The following SPTBN4 variants were observed in gnomAD, a reference collection of about 807,000 sequenced individuals.
SPTBN4 encodes the protein spectrin beta, non-erythrocytic 4.
In SPTBN4, 96 loss-of-function variants were observed where a neutral mutation model predicts 277.8. The observed-to-expected ratio is 0.35, with a 90% CI of 0.29 to 0.41. The LOEUF (loss-of-function observed/expected upper bound fraction) is 0.41, where lower values mean the gene tolerates loss of function less well. Among genes scored for constraint, SPTBN4 ranks in the 10% least tolerant of loss-of-function variants. The pLI, the probability that SPTBN4 is intolerant of heterozygous loss-of-function variation, is 1.00. For missense variants in SPTBN4, 3,006 were observed against 3,595.7 expected, an observed-to-expected ratio of 0.84 and a Z score of 4.19; for synonymous variants, 1,481 against 1,580.3, an observed-to-expected ratio of 0.94 and a Z score of 1.49.
Position 40,565,492 on chromosome 19 carries a change from G to A in SPTBN4, c.5985G>A (p.Val1995=), listed in dbSNP as rs746899679. 1 of 1,614,152 alleles carries A rather than the reference G, an allele frequency of 6.2e-7. No homozygotes were observed. Among genetic ancestry groups the A allele is most frequent in the Non-Finnish European group, 8.5e-7 (1 of 1,180,016 alleles). The stretch of plus-strand genomic sequence containing the variant: ...TGAAGACTGAGCTGGAGGCGCGGGT[G>A]CCTGAGCTGACCACCTGCCAGGAGC... The part of the protein sequence containing the change: ...QGLKTELEAR[V]PELTTCQELG... The change falls in exon 28 of 36, where the codon GTG becomes GTA. Residue 1995 remains valine, a synonymous_variant. Transcript: ENST00000598249.
chr19:40,507,308 C>T (rs550778232), intron 13 of SPTBN4, among the ~76,000 whole-genome samples: 25 of 151,512 alleles, frequency 1.7e-4, no homozygotes, highest in African/African-American at 6.0e-4. Flanking sequence ...GGACTGAGAC[C>T]CTGTCAGCAA....
chr19:40,535,397 A>C (rs970379194), intron 20 of SPTBN4, among the ~76,000 whole-genome samples: 1 of 152,016 alleles, frequency 6.6e-6, no homozygotes, highest in Admixed American at 6.6e-5. Flanking sequence ...ACAATGCCTG[A>C]CTGACTGATG....
intron 20 of SPTBN4, among the ~76,000 whole-genome samples, chr19:40,540,131 T>C (rs1309554920): frequency 6.6e-6 from 1 of 151,868 alleles, no homozygotes; most frequent in African/African-American, 2.4e-5. Context: ...TTCGCCATGT[T>C]GTCCAGGCTG....
chr19:40,568,468 C>T (rs1036908414), intron 31 of SPTBN4, among the ~76,000 whole-genome samples, 186 bp downstream of exon 31: 3 of 152,202 alleles, frequency 2.0e-5, no homozygotes, highest in African/African-American at 7.2e-5. Context: ...CATTGTTACA[C>T]AGAAAGGGGA....
rs200635812 is a variant in SPTBN4 at position 40,570,019 on chromosome 19, T to TACACAC, written c.7026+297_7026+302dup. On this transcript the variant is annotated intron_variant, in intron 32 of 35. Transcript: ENST00000598249. ...ACACACACAGACACACAGACACAGA[T>TACACAC]ACACACACAGACACACACACACAGA... Among the ~76,000 whole-genome samples, 3 of 113,452 alleles carry TACACAC rather than the reference T, an allele frequency of 2.6e-5. No individual in the cohort carries two copies. In the East Asian group the frequency reaches 7.0e-4, roughly 26 times the overall value. The allele number at this position is 113,452 out of a possible 152,430, so 74.4% of individuals were successfully genotyped here. A position where few individuals can be genotyped will look rare whatever the true frequency, so the allele number is the denominator to read the frequency against.
chr19:40,517,672 G>A (rs369473204), intron 15 of SPTBN4, among the ~76,000 whole-genome samples: 147 of 152,236 alleles, frequency 9.7e-4, no homozygotes, highest in African/African-American at 3.3e-3. Flanking sequence ...CAAGACCATC[G>A]CAAAGCATCC....
At chr19:40,492,315 G>A (rs926814216) in intron 4 of SPTBN4, among the ~76,000 whole-genome samples, 5 of 152,070 alleles carry the variant, frequency 3.3e-5, no homozygotes, top group African/African-American at 9.7e-5. Flanking sequence ...GCAGGTTTGA[G>A]GAACACCCTG....
intron 27 of SPTBN4, among the ~76,000 whole-genome samples, chr19:40,561,099 C>G (rs574824199): frequency 5.3e-5 from 8 of 152,254 alleles, no homozygotes; most frequent in African/African-American, 1.7e-4. Context: ...CTGCAACCTC[C>G]GTCTCCCAGG....
chr19:40,521,805 C>T (rs917552473), intron 16 of SPTBN4, among the ~76,000 whole-genome samples: 1 of 152,098 alleles, frequency 6.6e-6, no homozygotes, highest in African/African-American at 2.4e-5. Context: ...CTTGAGAGAC[C>T]CTTTCTGACC....
At chr19:40,479,395 C>T (rs1023516319) in intron 2 of SPTBN4, among the ~76,000 whole-genome samples, 12 of 152,074 alleles carry the variant, frequency 7.9e-5, no homozygotes, top group South Asian at 4.1e-4. Context: ...ATCTGTGTGA[C>T]GCCTCTCTCC....
At chr19:40,566,419 G>T in intron 30 of SPTBN4, 60 bp downstream of exon 30, 2 of 1,401,816 alleles carry the variant, frequency 1.4e-6, no homozygotes, top group African/African-American at 1.4e-5. Flanking sequence ...CACACCCATG[G>T]CTCTATATGA....
At chr19:40,542,787 T>C (rs2145913891) in intron 20 of SPTBN4, among the ~76,000 whole-genome samples, 1 of 151,986 alleles carries the variant, frequency 6.6e-6, no homozygotes, top group South Asian at 2.1e-4. Flanking sequence ...CCCCATCCTT[T>C]CTTTCTTTCC....
chr19:40,510,504 C>T (rs983071357), intron 13 of SPTBN4, among the ~76,000 whole-genome samples: 2 of 152,148 alleles, frequency 1.3e-5, no homozygotes, highest in African/African-American at 2.4e-5. Context: ...GGGGTTTTGC[C>T]GTGTTACCCA....
At chr19:40,529,955 C>T (rs2080643436) in intron 18 of SPTBN4, among the ~76,000 whole-genome samples, 1 of 152,142 alleles carries the variant, frequency 6.6e-6, no homozygotes. Flanking sequence ...GTTGAACACC[C>T]ATGGGAGATT....
At chr19:40,522,298 G>T (rs2080535940) in intron 16 of SPTBN4, among the ~76,000 whole-genome samples, 2 of 151,642 alleles carry the variant, frequency 1.3e-5, no homozygotes, top group South Asian at 4.1e-4. Flanking sequence ...AAAGTGCTGG[G>T]ATTATAGGCA....
intron 7 of SPTBN4, 91 bp downstream of exon 7, chr19:40,497,695 C>T: frequency 1.9e-6 from 2 of 1,054,758 alleles, no homozygotes; most frequent in Non-Finnish European, 2.9e-6. Flanking sequence ...CACCCCAGCA[C>T]CATCCCAAAT....
intron 20 of SPTBN4, among the ~76,000 whole-genome samples, chr19:40,544,377 C>G (rs183672403): frequency 6.8e-6 from 1 of 147,912 alleles, no homozygotes; most frequent in African/African-American, 2.5e-5. Flanking sequence ...CTCTTGACCT[C>G]GTGATCCGCC....
intron 20 of SPTBN4, among the ~76,000 whole-genome samples, chr19:40,547,817 T>G (rs567053062): frequency 6.6e-6 from 1 of 152,272 alleles, no homozygotes; most frequent in Admixed American, 6.5e-5. Flanking sequence ...TGTTGGCTGA[T>G]GCAGAAGTAT....
At chr19:40,479,666 A>G (rs1219258762) in intron 2 of SPTBN4, among the ~76,000 whole-genome samples, 1 of 128,542 alleles carries the variant, frequency 7.8e-6, no homozygotes, top group Non-Finnish European at 1.6e-5. Flanking sequence ...TGCATTGCTA[A>G]TGAGTAAGCA....
Sources: gnomAD v4.1 joint callset for allele counts (sites outside exome capture counted in the v4.1 genomes callset) on GRCh38, gnomAD v4.1.1 for gene constraint, MANE v1.5 for transcripts, NCBI Gene and HGNC (gene_info 2026-07-23, HGNC 2026-07-21) for gene names.